Variants in FAM220A observed in about 807,000 individuals in gnomAD.
FAM220A encodes protein FAM220A.
For missense variants in FAM220A, 392 were observed against 321.6 expected (o/e 1.22, Z -1.68); for synonymous variants, 141 against 130.7 (o/e 1.08, Z -0.54).
chr7:6,345,000 C>G (rs1272363852), intron 1 of FAM220A, among the ~76,000 whole-genome samples: 1 of 152,166 alleles, frequency 6.6e-6, no homozygotes, highest in African/African-American at 2.4e-5. Context: ...CTCAGCCTCT[C>G]AAAGTGCTGG....
intron 1 of FAM220A, among the ~76,000 whole-genome samples, chr7:6,343,170 A>C (rs943562365): frequency 1.3e-5 from 2 of 151,672 alleles, no homozygotes; most frequent in African/African-American, 2.4e-5. Context: ...TGAGGTCAGG[A>C]GTTCAAGACC....
At chr7:6,335,727 T>A (rs1781730577) in intron 1 of FAM220A, among the ~76,000 whole-genome samples, 1 of 152,142 alleles carries the variant, frequency 6.6e-6, no homozygotes. Flanking sequence ...TTATTCTATA[T>A]AATTCACTAA....
chr7:6,330,511 C>T lies in FAM220A; in HGVS notation c.644G>A (p.Arg215His), dbSNP rs145063299. ...SEETKRIFLD[R>H]LKPMFSKQTI... is the part of the protein sequence containing the mutation. ...TTGCTTTGAAAACATGGGCTTTAAA[C>T]GGTCAAGGAAAATGCGTTTTGTCTC... The change falls in exon 2 of 2, where the codon CGT (arginine) becomes CAT (histidine). Residue 215 changes from arginine (R) to histidine (H), a missense_variant. By Grantham distance (29) the Arg-to-His change is conservative (BLOSUM62 0). Transcript: ENST00000313324. The T allele has an allele frequency of 7.4e-6, 12 of 1,614,140 alleles. No individual in the cohort carries two copies. Among genetic ancestry groups the T allele is most frequent in the East Asian group, 6.7e-5 (3 of 44,890 alleles).
intron 1 of FAM220A, among the ~76,000 whole-genome samples, chr7:6,348,347 C>T (rs1781995681): frequency 6.6e-6 from 1 of 152,184 alleles, no homozygotes; most frequent in African/African-American, 2.4e-5. Context: ...AGCTGCGGGA[C>T]CTTCCCCAAG....
Position 6,331,115 on chromosome 7 carries a change from G to C in FAM220A, c.40C>G (p.Gln14Glu), listed in dbSNP as rs760345510. 1.9e-6 allele frequency: 3 copies of C among 1,613,166 alleles called. No individual in the cohort carries two copies. The highest frequency in any genetic ancestry group is 1.7e-5 in the Admixed American group (1 of 59,980). The change falls in exon 2 of 2, where the codon CAA (glutamine) becomes GAA (glutamate). Residue 14 changes from glutamine to glutamate, a missense_variant. Coordinates refer to ENST00000313324, the MANE Select transcript of FAM220A (RefSeq NM_001037163.2). ...RRGPLGTCLA[Q>E]VQQAGGGDSD... Reference sequence around the variant, plus strand: ...TCACCTCCTCCGGCCTGCTGCACTTGTGCCAGGCAGGTGCCGAGGGGCCCT... The same window carrying C: ...TCACCTCCTCCGGCCTGCTGCACTTCTGCCAGGCAGGTGCCGAGGGGCCCT...
rs1435663793 is a variant in FAM220A at position 6,348,942 on chromosome 7, C to A, written c.-451G>T. On this transcript the variant is annotated 5_prime_UTR_variant, in exon 1 of 2. Transcript: ENST00000313324. ...GGAGAAGTGCCTCCGCGAGCAGCCG[C>A]CTGTACCAGCCTGGCCGCGCAGCCT... 1 of 380,456 alleles carries A rather than the reference C, an allele frequency of 2.6e-6. No homozygotes were observed. The highest frequency in any genetic ancestry group is 4.6e-6 in the Non-Finnish European group (1 of 215,236). The allele number at this position is 380,456 out of a possible 1,614,324, so 23.6% of individuals were successfully genotyped here. A position where few individuals can be genotyped will look rare whatever the true frequency, so the allele number is the denominator to read the frequency against.
At position 6,337,414 on chromosome 7, in the gene FAM220A, G is replaced by A. The variant is rs192527982; in HGVS notation, c.-81-6179C>T. Among the ~76,000 whole-genome samples, 282 of 151,988 alleles carry A rather than the reference G, an allele frequency of 1.9e-3. 9 individuals carry two copies. Among genetic ancestry groups the A allele is most frequent in the Middle Eastern group, 6.8e-3 (2 of 292 alleles). ...TGGGATTACAGGCGTGAGCCACTGCGCCCGCCCAGTATTTTAATTCTCAAG... is the reference window on the plus strand; with the variant it reads ...TGGGATTACAGGCGTGAGCCACTGCACCCGCCCAGTATTTTAATTCTCAAG... On this transcript the variant is annotated intron_variant, in intron 1 of 1. Coordinates refer to ENST00000313324, the MANE Select transcript of FAM220A (RefSeq NM_001037163.2).
chr7:6,341,456 A>T (rs148785801), intron 1 of FAM220A, among the ~76,000 whole-genome samples: 4,232 of 139,862 alleles, frequency 0.03, 161 homozygotes, highest in East Asian at 0.14. Flanking sequence ...AAATAATAAT[A>T]ATAATTATTA....
chr7:6,343,476 C>A (rs997568178), intron 1 of FAM220A, among the ~76,000 whole-genome samples: 6 of 136,144 alleles, frequency 4.4e-5, no homozygotes, highest in African/African-American at 1.7e-4. Context: ...TTCGTTCTTC[C>A]CACAGGCCAT....
At chr7:6,334,047 CAT>C (rs1383537946) in intron 1 of FAM220A, among the ~76,000 whole-genome samples, 64 of 150,964 alleles carry the variant, frequency 4.2e-4, no homozygotes, top group South Asian at 2.3e-3. Flanking sequence ...GGGGTTTCAC[CAT>C]GTTAGCCAGG....
chr7:6,342,301 C>G (rs1781875904), intron 1 of FAM220A, among the ~76,000 whole-genome samples: 1 of 151,724 alleles, frequency 6.6e-6, no homozygotes, highest in Non-Finnish European at 1.5e-5. Flanking sequence ...TCCCAGCACT[C>G]TGGGAGGCCG....
At chr7:6,342,743 A>T (rs1781887156) in intron 1 of FAM220A, among the ~76,000 whole-genome samples, 1 of 152,066 alleles carries the variant, frequency 6.6e-6, no homozygotes, top group Non-Finnish European at 1.5e-5. Context: ...ACAAAAACAA[A>T]AGACTAAGCA....
intron 1 of FAM220A, among the ~76,000 whole-genome samples, chr7:6,337,985 G>T (rs1342116886): frequency 1.3e-5 from 2 of 151,608 alleles, no homozygotes; most frequent in African/African-American, 4.9e-5. Context: ...TGTATTTTCA[G>T]TAGAGACATG....
intron 1 of FAM220A, among the ~76,000 whole-genome samples, chr7:6,339,885 C>CAGTT (rs1192609952): frequency 6.6e-6 from 1 of 150,924 alleles, no homozygotes; most frequent in Non-Finnish European, 1.5e-5. Flanking sequence ...CGGCGTCAGG[C>CAGTT]AACTGACTTT....
At chr7:6,342,248 T>G (rs910661291) in intron 1 of FAM220A, among the ~76,000 whole-genome samples, 1 of 151,708 alleles carries the variant, frequency 6.6e-6, no homozygotes, top group African/African-American at 2.4e-5. Flanking sequence ...TTCTGTCTTA[T>G]AGAAACAGTG....
intron 1 of FAM220A, among the ~76,000 whole-genome samples, chr7:6,342,961 C>T (rs1186964291): frequency 6.6e-6 from 1 of 151,346 alleles, no homozygotes; most frequent in Non-Finnish European, 1.5e-5. Flanking sequence ...GGCTTGAGTC[C>T]AGGAGCTGGA....
chr7:6,340,353 G>A (rs1288316866), intron 1 of FAM220A, among the ~76,000 whole-genome samples: 1 of 152,140 alleles, frequency 6.6e-6, no homozygotes, highest in East Asian at 1.9e-4. Context: ...ACAAAACGCT[G>A]CTGAGAGGGT....
At chr7:6,348,393 G>C (rs73060728) in intron 1 of FAM220A, among the ~76,000 whole-genome samples, 180 bp downstream of exon 1, 2,949 of 152,286 alleles carry the variant, frequency 0.019, 45 homozygotes, top group East Asian at 0.053. Context: ...TGCCGCGTTT[G>C]CAGAACGGGG....
In FAM220A at chr7:6,348,911, A is replaced by G; in HGVS notation, c.-420T>C. On this transcript the variant is annotated 5_prime_UTR_variant, in exon 1 of 2. Coordinates refer to ENST00000313324, the MANE Select transcript of FAM220A (RefSeq NM_001037163.2). ...CGCAGTGGAGCGGAGTCCGCACGTC[A>G]CGCTCGGAGAAGTGCCTCCGCGAGC... The G allele has an allele frequency of 2.6e-6, 1 of 386,312 alleles. No individual in the cohort carries two copies. The highest frequency in any genetic ancestry group is 4.6e-6 in the Non-Finnish European group (1 of 218,686). The allele number at this position is 386,312 out of a possible 1,614,324, so 23.9% of individuals were successfully genotyped here. A position where few individuals can be genotyped will look rare whatever the true frequency, so the allele number is the denominator to read the frequency against.
Sources: gnomAD v4.1 joint callset for allele counts (sites outside exome capture counted in the v4.1 genomes callset) on GRCh38, gnomAD v4.1.1 for gene constraint, MANE v1.5 for transcripts, NCBI Gene and HGNC (gene_info 2026-07-23, HGNC 2026-07-21) for gene names.